Variants in GNAI1 observed in about 807,000 individuals in gnomAD.
The protein encoded by GNAI1 is G protein subunit alpha i1, also known as guanine nucleotide-binding protein G(i) subunit alpha-1.
GNAI1 carries 11 observed loss-of-function variants against 38.9 expected under a neutral mutation model. That is an observed-to-expected ratio of 0.28 (90% confidence interval 0.18 to 0.47). The LOEUF (loss-of-function observed/expected upper bound fraction) is 0.47. Among genes scored for constraint, GNAI1 ranks in the 20% least tolerant of loss-of-function variants. The pLI is 0.99. For synonymous variants in GNAI1, 166 were observed against 145.1 expected (o/e 1.14, Z -1.04); for missense variants, 317 against 436.9 (o/e 0.73, Z 2.45).
chr7:80,154,993 C>T (rs762474492), intron 1 of GNAI1, among the ~76,000 whole-genome samples: 17 of 151,946 alleles, frequency 1.1e-4, no homozygotes, highest in Non-Finnish European at 1.5e-4. Flanking sequence ...GGAAAGTTAC[C>T]TATTACCTAT....
At chr7:80,160,893 A>G (rs1290705950) in intron 1 of GNAI1, among the ~76,000 whole-genome samples, 2 of 152,172 alleles carry the variant, frequency 1.3e-5, no homozygotes, top group Admixed American at 1.3e-4. Flanking sequence ...TAACTAATGT[A>G]ATAGTTGGCA....
intron 1 of GNAI1, among the ~76,000 whole-genome samples, chr7:80,181,990 G>A (rs946477787): frequency 1.1e-4 from 17 of 151,950 alleles, no homozygotes; most frequent in African/African-American, 4.1e-4. Context: ...CTTATTCATC[G>A]TAACTAAAAC....
intron 3 of GNAI1, among the ~76,000 whole-genome samples, chr7:80,197,261 T>C (rs1788594885): frequency 6.6e-6 from 1 of 151,470 alleles, no homozygotes; most frequent in African/African-American, 2.4e-5. Context: ...TAAAACATCA[T>C]CTCACTTATA....
intron 1 of GNAI1, among the ~76,000 whole-genome samples, chr7:80,150,014 T>G (rs1334071070): frequency 6.6e-6 from 1 of 152,166 alleles, no homozygotes; most frequent in African/African-American, 2.4e-5. Context: ...TTCATGGAAG[T>G]GCAGATTACA....
At chr7:80,139,185 G>C (rs1405741988) in intron 1 of GNAI1, among the ~76,000 whole-genome samples, 1 of 152,140 alleles carries the variant, frequency 6.6e-6, no homozygotes, top group Non-Finnish European at 1.5e-5. Context: ...TGGAATTGCT[G>C]ATTTTTTTCT....
intron 1 of GNAI1, among the ~76,000 whole-genome samples, chr7:80,186,005 A>G (rs376348085): frequency 1.3e-5 from 2 of 150,124 alleles, no homozygotes; most frequent in Non-Finnish European, 1.5e-5. Flanking sequence ...TCCAGTTAAT[A>G]AGACTGCCAT....
chr7:80,184,687 A>G (rs1276086459), intron 1 of GNAI1, among the ~76,000 whole-genome samples: 1 of 152,052 alleles, frequency 6.6e-6, no homozygotes, highest in Non-Finnish European at 1.5e-5. Flanking sequence ...ACCAATTACT[A>G]TTTTAGAGAA....
In GNAI1 at chr7:80,203,631, T is replaced by C. The variant is rs200869239; in HGVS notation, c.462-73T>C. 1.3e-5 allele frequency: 12 copies of C among 926,176 alleles called. No individual in the cohort carries two copies. The East Asian group carries it at 2.8e-4, about 22-fold the overall frequency. The allele number at this position is 926,176 out of a possible 1,614,324, so 57.4% of individuals were successfully genotyped here. Reference sequence around the variant, plus strand: ...ATTATCGCTTGTATTGAAATGTGTTTTAATTTTTGTTTTGGATGATCTTTA... The same window carrying C: ...ATTATCGCTTGTATTGAAATGTGTTCTAATTTTTGTTTTGGATGATCTTTA... On this transcript the variant is annotated intron_variant, in intron 4 of 7. Coordinates refer to ENST00000649796, the MANE Select transcript of GNAI1 (RefSeq NM_002069.6).
At chr7:80,183,216 G>A (rs527640660) in intron 1 of GNAI1, among the ~76,000 whole-genome samples, 40 of 152,256 alleles carry the variant, frequency 2.6e-4, no homozygotes, top group Non-Finnish European at 5.3e-4. Flanking sequence ...AAGAAAAAGG[G>A]AGGGAAATGT....
At chr7:80,184,426 G>T (rs73378682) in intron 1 of GNAI1, among the ~76,000 whole-genome samples, 3 of 152,118 alleles carry the variant, frequency 2.0e-5, no homozygotes, top group Admixed American at 2.0e-4. Context: ...GCCTGCTAGC[G>T]CTTGGGAGAG....
chr7:80,150,918 A>G (rs765215947), intron 1 of GNAI1, among the ~76,000 whole-genome samples: 15 of 152,102 alleles, frequency 9.9e-5, no homozygotes, highest in Admixed American at 2.0e-4. Flanking sequence ...CTTCCTCCCT[A>G]TGTGCTTCCC....
rs1301551168 is a variant in GNAI1, at chr7:80,210,906, A to G, written c.591-63A>G. ...ATTCAGAGCTTTTTTTGTTAGCATT[A>G]AAGAACTTCTCAGAGCTTTTTGAAC... On this transcript the variant is annotated intron_variant, in intron 5 of 7. Transcript: ENST00000649796. The G allele has an allele frequency of 2.6e-5, 38 of 1,460,730 alleles. No homozygotes were observed. In the East Asian group the frequency reaches 6.2e-4, roughly 24 times the overall value. The allele number at this position is 1,460,730 out of a possible 1,614,324, so 90.5% of individuals were successfully genotyped here.
chr7:80,144,615 C>G (rs1026171963), intron 1 of GNAI1, among the ~76,000 whole-genome samples: 1 of 152,038 alleles, frequency 6.6e-6, no homozygotes, highest in South Asian at 2.1e-4. Flanking sequence ...AGTAACTGAT[C>G]TATATTATTC....
intron 1 of GNAI1, among the ~76,000 whole-genome samples, chr7:80,150,163 C>T (rs970279167): frequency 1.3e-5 from 2 of 152,124 alleles, no homozygotes; most frequent in East Asian, 1.9e-4. Context: ...ACCTTTGAAT[C>T]GATAATCCCA....
At chr7:80,200,348 C>A (rs201832395) in intron 4 of GNAI1, among the ~76,000 whole-genome samples, 14,126 of 56,858 alleles carry the variant, frequency 0.25, 947 homozygotes, top group South Asian at 0.37. Flanking sequence ...AAAAAAAAAA[C>A]CTAATCAGGG....
intron 5 of GNAI1, among the ~76,000 whole-genome samples, chr7:80,205,260 G>T (rs1788754089): frequency 6.6e-6 from 1 of 151,976 alleles, no homozygotes; most frequent in Non-Finnish European, 1.5e-5. Flanking sequence ...AATTAAATGA[G>T]TTGTAGACTT....
intron 1 of GNAI1, among the ~76,000 whole-genome samples, chr7:80,145,736 ACT>A (rs1363210882): frequency 6.6e-6 from 1 of 151,892 alleles, no homozygotes; most frequent in Non-Finnish European, 1.5e-5. Flanking sequence ...TGGTGTCTTG[ACT>A]CTGTCTCGAG....
At chr7:80,200,337 A>AAAAAAAAAAAAAAAAAAAAAAAAAAAAC in intron 4 of GNAI1, among the ~76,000 whole-genome samples, 1 of 149,948 alleles carries the variant, frequency 6.7e-6, no homozygotes, top group African/African-American at 2.5e-5. Flanking sequence ...AAAAAAAAAA[A>AAAAAAAAAAAAAAAAAAAAAAAAAAAAC]AAAAAAAAAA....
intron 5 of GNAI1, among the ~76,000 whole-genome samples, chr7:80,210,092 G>A (rs1165114938): frequency 6.6e-6 from 1 of 152,142 alleles, no homozygotes; most frequent in East Asian, 1.9e-4. Context: ...GATAAATGGA[G>A]CCTTTAAAAA....
Sources: allele counts gnomAD v4.1 joint callset (sites outside exome capture counted in the v4.1 genomes callset), GRCh38; gene constraint gnomAD v4.1.1; transcripts MANE v1.5; gene names NCBI Gene and HGNC (gene_info 2026-07-23, HGNC 2026-07-21).